Variants in VWA8 observed in about 807,000 individuals in gnomAD.
VWA8 encodes the protein von Willebrand factor A domain containing 8.
Under a neutral mutation model 241.5 loss-of-function variants are expected in VWA8, and 221 were observed. That is an observed-to-expected ratio of 0.91 (90% CI 0.82 to 1.02). The LOEUF (loss-of-function observed/expected upper bound fraction) is 1.02. Among genes scored for constraint, VWA8 ranks in the 50% least tolerant of loss-of-function variants. VWA8 has a pLI of 0.00. For synonymous variants in VWA8, 852 were observed against 827.1 expected, an observed-to-expected ratio of 1.03 and a Z score of -0.52; for missense variants, 2,322 against 2,328.7, an observed-to-expected ratio of 1.00 and a Z score of 0.06.
intron 26 of VWA8, among the ~76,000 whole-genome samples, chr13:41,705,967 A>C (rs2045280366): frequency 6.6e-6 from 1 of 152,234 alleles, no homozygotes; most frequent in Admixed American, 6.5e-5. Context: ...GGTTCTTTGA[A>C]GACAACAGAA....
Position 41,611,642 on chromosome 13 carries a change from T to G in VWA8, c.4811A>C (p.Lys1604Thr), listed in dbSNP as rs2044589064. 1 of 1,614,114 alleles carries G rather than the reference T, an allele frequency of 6.2e-7. No individual in the cohort carries two copies. Among genetic ancestry groups the G allele is most frequent in the Non-Finnish European group, 8.5e-7 (1 of 1,179,972 alleles). Residue 1604 changes from lysine to threonine, a missense_variant, in exon 39 of 45, where the codon AAA becomes ACA. By Grantham distance (78) the Lys-to-Thr change is moderately conservative (BLOSUM62 -1). Transcript: ENST00000379310. ...CTTGACCTCTTCGGGAACTGCATCT[T>G]TCTCAGCCTGAGAGACCTGGTACAC... ...HTVYQVSQAEKDAVPEEVKRA... is the reference protein window; with the variant it reads ...HTVYQVSQAETDAVPEEVKRA...
chr13:41,820,709 A>G (rs538789736), intron 14 of VWA8, among the ~76,000 whole-genome samples: 1 of 152,346 alleles, frequency 6.6e-6, no homozygotes, highest in South Asian at 2.1e-4. Flanking sequence ...ACAGTGCCTG[A>G]AAGTCCAGAG....
chr13:41,783,925 T>C, intron 18 of VWA8, 24 bp from the exon 19 acceptor site: 1 of 1,578,042 alleles, frequency 6.3e-7, no homozygotes, highest in Middle Eastern at 1.7e-4. Context: ...ACAGGACGGA[T>C]AATTATTCAT....
At chr13:41,875,004 A>G (rs1356455361) in intron 9 of VWA8, among the ~76,000 whole-genome samples, 1 of 152,148 alleles carries the variant, frequency 6.6e-6, no homozygotes, top group Non-Finnish European at 1.5e-5. Flanking sequence ...GGGCAATATT[A>G]AATGTATCTA....
chr13:41,639,828 G>T (rs1027858953), intron 37 of VWA8, among the ~76,000 whole-genome samples: 4 of 152,234 alleles, frequency 2.6e-5, no homozygotes, highest in African/African-American at 9.6e-5. Flanking sequence ...TATGCTCACT[G>T]CCTGGGTGAG....
intron 37 of VWA8, among the ~76,000 whole-genome samples, chr13:41,617,195 C>T (rs547739119): frequency 2.0e-5 from 3 of 152,020 alleles, no homozygotes; most frequent in East Asian, 1.9e-4. Context: ...CTTGGCTCAC[C>T]GCAACCTCCA....
At position 41,841,832 on chromosome 13, in the gene VWA8, TATATATATATATATATATATATATATAA is replaced by T. The variant is rs1370799364; in HGVS notation, c.1426-8329_1426-8302del. ...AAAAAAAAAAAAAAATATATATATA[TATATATATATATATATATATATATATAA>T]AAACAGTAGACATTTAATATTTTTT... On this transcript the variant is annotated intron_variant, in intron 12 of 44. Transcript: ENST00000379310. Among the ~76,000 whole-genome samples, 18 of 67,792 alleles carry T rather than the reference TATATATATATATATATATATATATATAA, an allele frequency of 2.7e-4. 1 individual carries two copies. Among genetic ancestry groups the T allele is most frequent in the South Asian group, 5.5e-4 (1 of 1,802 alleles). 44.5% of individuals were successfully genotyped at this position (67,792 alleles called of 152,430 possible).
intron 12 of VWA8, among the ~76,000 whole-genome samples, chr13:41,838,964 C>T (rs1428525786): frequency 6.6e-6 from 1 of 152,096 alleles, no homozygotes; most frequent in Admixed American, 6.5e-5. Flanking sequence ...TATATGTGCG[C>T]ATGTGTCTTT....
intron 2 of VWA8, chr13:41,927,245 A>G: frequency 2.0e-6 from 1 of 488,764 alleles, no homozygotes; most frequent in Non-Finnish European, 4.2e-6. Context: ...AAAGATTCCA[A>G]CAACATCAAG....
At chr13:41,702,327 C>T (rs2045255832) in intron 27 of VWA8, among the ~76,000 whole-genome samples, 1 of 152,112 alleles carries the variant, frequency 6.6e-6, no homozygotes, top group South Asian at 2.1e-4. Context: ...GAGTAAGAAA[C>T]TGCATTTCTC....
At chr13:41,715,136 C>T (rs1448020848) in intron 26 of VWA8, among the ~76,000 whole-genome samples, 1 of 151,732 alleles carries the variant, frequency 6.6e-6, no homozygotes, top group Non-Finnish European at 1.5e-5. Context: ...GCCATAGGTC[C>T]GTTGGGAGAA....
At chr13:41,873,215 C>T (rs1199732216) in intron 9 of VWA8, among the ~76,000 whole-genome samples, 1 of 151,566 alleles carries the variant, frequency 6.6e-6, no homozygotes, top group East Asian at 1.9e-4. Flanking sequence ...CACTAAATGC[C>T]CACAAGAGAA....
chr13:41,907,792 A>G, intron 3 of VWA8, 96 bp from the exon 4 acceptor site: 1 of 1,032,936 alleles, frequency 9.7e-7, no homozygotes, highest in Non-Finnish European at 1.5e-6. Flanking sequence ...GCCCATGAGA[A>G]GTGCATTGTT....
chr13:41,584,808 T>C (rs1049712730), intron 42 of VWA8, among the ~76,000 whole-genome samples: 9 of 152,220 alleles, frequency 5.9e-5, no homozygotes, highest in Non-Finnish European at 1.2e-4. Context: ...ACTGAGGAAA[T>C]TCTTTATACT....
chr13:41,621,232 G>A (rs1222391531), intron 37 of VWA8, among the ~76,000 whole-genome samples: 1 of 152,188 alleles, frequency 6.6e-6, no homozygotes, highest in African/African-American at 2.4e-5. Flanking sequence ...TAGGCTTCAT[G>A]TTATATGATT....
chr13:41,913,784 A>C (rs1043479619), intron 2 of VWA8, among the ~76,000 whole-genome samples: 3 of 152,178 alleles, frequency 2.0e-5, no homozygotes, highest in Non-Finnish European at 4.4e-5. Flanking sequence ...TATGTCTGAG[A>C]CTCATTACTT....
chr13:41,601,116 T>C (rs2044518538), intron 40 of VWA8, among the ~76,000 whole-genome samples: 1 of 152,114 alleles, frequency 6.6e-6, no homozygotes, highest in Non-Finnish European at 1.5e-5. Flanking sequence ...CTCTGTCTGG[T>C]TAATACTTGT....
At chr13:41,924,417 G>A (rs1876727638) in intron 2 of VWA8, among the ~76,000 whole-genome samples, 1 of 134,898 alleles carries the variant, frequency 7.4e-6, no homozygotes, top group African/African-American at 2.7e-5. Flanking sequence ...GAGGGGAGGA[G>A]AGGAGATGAA....
In VWA8 at chr13:41,685,079, C is replaced by T. The variant is rs754229206; in HGVS notation, c.4295G>A (p.Gly1432Glu). The T allele has an allele frequency of 1.2e-5, 19 of 1,613,304 alleles. No individual in the cohort carries two copies. In the African/African-American group the frequency reaches 1.7e-4, roughly 15 times the overall value. Residue 1432 changes from glycine to glutamate, a missense_variant, in exon 35 of 45, where the codon GGA becomes GAA. Transcript: ENST00000379310. ...GTAGATATCTTTTAGAGGGACTTCTCCTGGGGGTAAAATCCTCACTACCTG... is the reference window on the plus strand; with the variant it reads ...GTAGATATCTTTTAGAGGGACTTCTTCTGGGGGTAAAATCCTCACTACCTG... ...TNQVVRILPPGEVPLKDIYPK... is the reference protein window; with the variant it reads ...TNQVVRILPPEEVPLKDIYPK...
Sources: allele counts gnomAD v4.1 joint callset (sites outside exome capture counted in the v4.1 genomes callset), GRCh38; gene constraint gnomAD v4.1.1; transcripts MANE v1.5; gene names NCBI Gene and HGNC (gene_info 2026-07-23, HGNC 2026-07-21).